The following C12orf42 variants were observed in gnomAD, a reference collection of about 807,000 sequenced individuals.
C12orf42 encodes the protein chromosome 12 open reading frame 42.
C12orf42 carries 25 observed loss-of-function variants against 21.6 expected under a neutral mutation model. The ratio of observed to expected loss-of-function variants is 1.16; its 90% CI spans 0.84 to 1.62. The LOEUF is 1.62. Ranked by LOEUF, C12orf42 falls within the 40% of genes most tolerant of loss-of-function variation. The pLI is 0.00. For synonymous variants in C12orf42, 174 were observed against 175.0 expected, an observed-to-expected ratio of 0.99 and a Z score of 0.05; for missense variants, 483 against 459.3, an observed-to-expected ratio of 1.05 and a Z score of -0.47.
chr12:103,307,808 T>C (rs1430307528), intron 4 of C12orf42, among the ~76,000 whole-genome samples: 1 of 152,112 alleles, frequency 6.6e-6, no homozygotes, highest in Non-Finnish European at 1.5e-5. Flanking sequence ...AAATGTAGGA[T>C]TGAGATTTGA....
At chr12:103,216,980 A>C in the C12orf42 span, among the ~76,000 whole-genome samples, 1 of 151,946 alleles carries the variant, frequency 6.6e-6, no homozygotes, top group South Asian at 2.1e-4. Context: ...GTAGCTGGGA[A>C]TACAGGCACG....
the C12orf42 span, among the ~76,000 whole-genome samples, chr12:103,537,969 T>C: frequency 1.3e-5 from 2 of 152,238 alleles, no homozygotes; most frequent in African/African-American, 4.8e-5. Flanking sequence ...TATGCCAGTA[T>C]ACCAGTTTTT....
chr12:103,523,943 C>CT, the C12orf42 span, among the ~76,000 whole-genome samples: 1 of 152,084 alleles, frequency 6.6e-6, no homozygotes, highest in Non-Finnish European at 1.5e-5. Context: ...CATTCACTCA[C>CT]TGAATAGGCA....
At chr12:103,375,062 G>A (rs2045581117) in intron 3 of C12orf42, among the ~76,000 whole-genome samples, 1 of 152,148 alleles carries the variant, frequency 6.6e-6, no homozygotes, top group African/African-American at 2.4e-5. Flanking sequence ...GTAAGCCATG[G>A]AGTAATGAGC....
At chr12:103,211,852 T>C in the C12orf42 span, among the ~76,000 whole-genome samples, 1 of 152,242 alleles carries the variant, frequency 6.6e-6, no homozygotes, top group South Asian at 2.1e-4. Flanking sequence ...GATATATATG[T>C]TGCAAATATT....
intron 2 of C12orf42, among the ~76,000 whole-genome samples, chr12:103,429,157 T>C (rs1348992238): frequency 6.6e-6 from 1 of 152,190 alleles, no homozygotes; most frequent in East Asian, 1.9e-4. Flanking sequence ...CATATTTAAA[T>C]AGGAAGAGAG....
At chr12:103,382,084 A>T (rs1008847396) in intron 3 of C12orf42, among the ~76,000 whole-genome samples, 1 of 152,224 alleles carries the variant, frequency 6.6e-6, no homozygotes, top group African/African-American at 2.4e-5. Context: ...CACTAAATAT[A>T]TACAATTGAG....
intron 2 of C12orf42, among the ~76,000 whole-genome samples, chr12:103,475,346 G>A (rs573176179): frequency 2.3e-4 from 35 of 152,292 alleles, no homozygotes; most frequent in African/African-American, 8.4e-4. Flanking sequence ...ACAATATGGT[G>A]GGCACATAGT....
the C12orf42 span, among the ~76,000 whole-genome samples, chr12:103,075,519 C>T: frequency 2.6e-5 from 4 of 152,184 alleles, no homozygotes; most frequent in African/African-American, 9.7e-5. Flanking sequence ...TCACTAAGAG[C>T]CTAAGCACAA....
intron 2 of C12orf42, among the ~76,000 whole-genome samples, chr12:103,459,909 G>A (rs1325289803): frequency 1.3e-5 from 2 of 152,054 alleles, no homozygotes; most frequent in African/African-American, 4.8e-5. Context: ...CTTTTCCTCT[G>A]TCATTCTCCA....
At chr12:103,096,285 G>C in the C12orf42 span, among the ~76,000 whole-genome samples, 1 of 152,058 alleles carries the variant, frequency 6.6e-6, no homozygotes, top group African/African-American at 2.4e-5. Context: ...AAATAATCAT[G>C]GCTTTATAAG....
chr12:103,092,041 C>A, the C12orf42 span, among the ~76,000 whole-genome samples: 9 of 152,232 alleles, frequency 5.9e-5, no homozygotes, highest in South Asian at 4.1e-4. Flanking sequence ...TGGGGAAAAG[C>A]AGATTTTTGT....
At chr12:103,326,659 C>T (rs2040744145) in intron 4 of C12orf42, among the ~76,000 whole-genome samples, 1 of 152,166 alleles carries the variant, frequency 6.6e-6, no homozygotes, top group South Asian at 2.1e-4. Context: ...GCTTAGAATG[C>T]TACTTTCCCA....
At chr12:103,520,372 C>A in the C12orf42 span, among the ~76,000 whole-genome samples, 2 of 152,096 alleles carry the variant, frequency 1.3e-5, no homozygotes, top group Non-Finnish European at 2.9e-5. Flanking sequence ...ACACTCCTCC[C>A]AGAATATCTA....
At chr12:103,205,393 G>T in the C12orf42 span, among the ~76,000 whole-genome samples, 2 of 152,272 alleles carry the variant, frequency 1.3e-5, no homozygotes, top group Admixed American at 1.3e-4. Flanking sequence ...ATGGTGGCAG[G>T]CAAGAGAGCA....
the C12orf42 span, among the ~76,000 whole-genome samples, chr12:103,543,433 G>A: frequency 1.8e-4 from 28 of 151,844 alleles, no homozygotes; most frequent in African/African-American, 6.3e-4. Flanking sequence ...ACATAGGGAG[G>A]CCCCCATCTC....
chr12:103,173,246 T>C, the C12orf42 span, among the ~76,000 whole-genome samples: 1 of 152,212 alleles, frequency 6.6e-6, no homozygotes, highest in African/African-American at 2.4e-5. Flanking sequence ...TCCAGTTTAA[T>C]GTTTTTTATT....
intron 1 of C12orf42, among the ~76,000 whole-genome samples, chr12:103,492,381 C>T (rs1955240510): frequency 6.6e-6 from 1 of 152,238 alleles, no homozygotes; most frequent in Non-Finnish European, 1.5e-5. Context: ...CAACTGTAAA[C>T]ACCTCAACTG....
the C12orf42 span, among the ~76,000 whole-genome samples, chr12:103,113,296 C>T: frequency 1.3e-5 from 2 of 152,132 alleles, no homozygotes; most frequent in Non-Finnish European, 2.9e-5. Context: ...CTTTAAAGGA[C>T]TTCACTGAAA....
Sources: gnomAD v4.1 joint callset for allele counts (sites outside exome capture counted in the v4.1 genomes callset) on GRCh38, gnomAD v4.1.1 for gene constraint, MANE v1.5 for transcripts, NCBI Gene and HGNC (gene_info 2026-07-23, HGNC 2026-07-21) for gene names.